The following PCBP3 variants were observed in gnomAD, a reference collection of about 807,000 sequenced individuals.
PCBP3 encodes the protein poly(rC)-binding protein 3.
A neutral mutation model predicts 52.7 loss-of-function variants in PCBP3; 25 were observed. That is an observed-to-expected ratio of 0.47 (90% CI 0.35 to 0.66). The LOEUF is 0.66. Ranked by LOEUF, PCBP3 falls within the 30% of genes least tolerant of loss-of-function variation. The pLI, the probability that PCBP3 is intolerant of heterozygous loss-of-function variation, is 0.01. For synonymous variants in PCBP3, 162 were observed against 183.0 expected (o/e 0.89, Z 0.93); for missense variants, 391 against 490.3 (o/e 0.80, Z 1.91).
intron 2 of PCBP3, among the ~76,000 whole-genome samples, chr21:45,727,780 T>A (rs1435452983): frequency 6.6e-6 from 1 of 152,178 alleles, no homozygotes; most frequent in African/African-American, 2.4e-5. Context: ...ATGGGTTGTT[T>A]GCTATTTCTA....
chr21:45,873,048 G>A (rs1358730976), intron 5 of PCBP3: 5 of 152,112 alleles, frequency 3.3e-5, no homozygotes, highest in African/African-American at 1.2e-4. Flanking sequence ...GCTTTCCTCG[G>A]TGATACGGGC....
At chr21:45,765,429 G>A (rs910755755) in intron 4 of PCBP3, among the ~76,000 whole-genome samples, 3 of 152,216 alleles carry the variant, frequency 2.0e-5, no homozygotes, top group Non-Finnish European at 4.4e-5. Flanking sequence ...TTAAATAGGA[G>A]GACAGCTCAA....
chr21:45,706,706 G>A (rs2083472774), intron 2 of PCBP3, among the ~76,000 whole-genome samples: 1 of 152,192 alleles, frequency 6.6e-6, no homozygotes. Flanking sequence ...CCCTAGCCAG[G>A]CAGAGGGAGG....
intron 4 of PCBP3, among the ~76,000 whole-genome samples, chr21:45,846,655 A>G (rs777442238): frequency 6.6e-6 from 1 of 152,184 alleles, no homozygotes; most frequent in African/African-American, 2.4e-5. Flanking sequence ...TAGTTTCTGC[A>G]TTATAAAGCC....
At chr21:45,738,716 C>G (rs571611111) in intron 3 of PCBP3, among the ~76,000 whole-genome samples, 3 of 150,718 alleles carry the variant, frequency 2.0e-5, no homozygotes, top group Admixed American at 6.6e-5. Flanking sequence ...CCTGGGTAGC[C>G]CCCCCATCTT....
chr21:45,883,027 G>GT (rs899071499), intron 5 of PCBP3, among the ~76,000 whole-genome samples: 3 of 152,200 alleles, frequency 2.0e-5, no homozygotes, highest in Admixed American at 6.5e-5. Context: ...AAATGTGTGT[G>GT]TTTCGTGCCA....
chr21:45,738,275 G>A (rs1201586987), intron 3 of PCBP3, among the ~76,000 whole-genome samples: 1 of 62,850 alleles, frequency 1.6e-5, no homozygotes, highest in Admixed American at 1.7e-4. Context: ...TTTTTTTTTT[G>A]AGACAGTCTA....
At chr21:45,645,624 C>T (rs1201967474) in intron 1 of PCBP3, among the ~76,000 whole-genome samples, 1 of 152,180 alleles carries the variant, frequency 6.6e-6, no homozygotes, top group South Asian at 2.1e-4. Context: ...ATTCTTTACC[C>T]TATTGTTCTG....
intron 1 of PCBP3, among the ~76,000 whole-genome samples, chr21:45,662,318 A>C (rs2080461029): frequency 9.2e-6 from 1 of 109,248 alleles, no homozygotes; most frequent in Non-Finnish European, 1.7e-5. Context: ...ATGGGGTTTC[A>C]CCATATTGCT....
intron 1 of PCBP3, among the ~76,000 whole-genome samples, chr21:45,661,351 G>T (rs2080377759): frequency 6.6e-6 from 1 of 151,574 alleles, no homozygotes; most frequent in Non-Finnish European, 1.5e-5. Context: ...ATTACATTCT[G>T]TGTGTCCATG....
At chr21:45,915,825 C>G (rs930064012) in intron 12 of PCBP3, 1 of 152,356 alleles carries the variant, frequency 6.6e-6, no homozygotes, top group Non-Finnish European at 1.5e-5. Flanking sequence ...TGCCGAAATG[C>G]AAACCCAGAA....
chr21:45,708,387 T>C (rs1486085801), intron 2 of PCBP3, among the ~76,000 whole-genome samples: 2 of 152,156 alleles, frequency 1.3e-5, no homozygotes, highest in Admixed American at 1.3e-4. Context: ...AGGGATCCTG[T>C]GAATCCCCAT....
chr21:45,893,920 C>T, intron 5 of PCBP3: 1 of 985,328 alleles, frequency 1.0e-6, no homozygotes, highest in South Asian at 4.7e-5. Flanking sequence ...TGAGCTGCCC[C>T]ATGGACACTG....
intron 4 of PCBP3, among the ~76,000 whole-genome samples, chr21:45,799,510 G>T (rs927219168): frequency 1.3e-5 from 2 of 152,154 alleles, no homozygotes; most frequent in Admixed American, 1.3e-4. Flanking sequence ...ACAGGGTTTG[G>T]TATAGTCCAT....
intron 4 of PCBP3, among the ~76,000 whole-genome samples, chr21:45,801,079 C>G (rs2092283066): frequency 6.6e-6 from 1 of 152,256 alleles, no homozygotes; most frequent in Admixed American, 6.5e-5. Flanking sequence ...AGCCATCATT[C>G]TATCACCTGT....
chr21:45,903,681 A>G (rs1201511426), intron 9 of PCBP3, among the ~76,000 whole-genome samples: 1 of 152,234 alleles, frequency 6.6e-6, no homozygotes, highest in Non-Finnish European at 1.5e-5. Context: ...CCAGGGGTCC[A>G]TGGAGAATAA....
intron 5 of PCBP3, among the ~76,000 whole-genome samples, chr21:45,875,253 G>A (rs984402279): frequency 1.3e-5 from 2 of 151,974 alleles, no homozygotes; most frequent in Admixed American, 1.3e-4. Flanking sequence ...CGTGCTGCGC[G>A]CTCCGGCTGA....
rs776335999 is a variant in PCBP3 at position 45,940,160 on chromosome 21, C to G, written c.1040C>G (p.Pro347Arg). 1 of 1,614,044 alleles carries G rather than the reference C, an allele frequency of 6.2e-7. No homozygotes were observed. Among genetic ancestry groups the G allele is most frequent in the Non-Finnish European group, 8.5e-7 (1 of 1,179,930 alleles). The change falls in exon 17 of 18, where the codon CCG becomes CGG. Residue 347 changes from proline to arginine, a missense_variant. Transcript: ENST00000681687. Reference protein sequence around the residue: ...SERQITITGTPANISLAQYLI... With the variant: ...SERQITITGTRANISLAQYLI... ...CGTCAGATCACCATCACGGGGACCC[C>G]GGCCAACATCAGCCTTGCCCAGTAT... is the stretch of plus-strand genomic sequence containing the variant.
intron 4 of PCBP3, among the ~76,000 whole-genome samples, chr21:45,807,498 A>G (rs910646918): frequency 2.6e-5 from 4 of 152,246 alleles, no homozygotes; most frequent in African/African-American, 9.6e-5. Flanking sequence ...GACCTCTTCA[A>G]GGAGAACTAC....
Sources: allele counts gnomAD v4.1 joint callset (sites outside exome capture counted in the v4.1 genomes callset), GRCh38; gene constraint gnomAD v4.1.1; transcripts MANE v1.5; gene names NCBI Gene and HGNC (gene_info 2026-07-23, HGNC 2026-07-21).